THSD4: variants seen among roughly 807,000 people sequenced by gnomAD.
The protein encoded by THSD4 is thrombospondin type-1 domain-containing protein 4.
Under a neutral mutation model 119.0 loss-of-function variants are expected in THSD4, and 69 were observed. That is an observed-to-expected ratio of 0.58 (90% CI 0.48 to 0.71). The LOEUF is 0.71. Among genes scored for constraint, THSD4 ranks in the 30% least tolerant of loss-of-function variants. The probability of loss-of-function intolerance (pLI) is 0.00; values close to 1 mark genes in which losing one functional copy is unlikely to be tolerated. For missense variants in THSD4, 1,393 were observed against 1,391.1 expected (o/e 1.00, Z -0.02); for synonymous variants, 524 against 540.4 (o/e 0.97, Z 0.42).
chr15:71,729,080 C>A, intron 9 of THSD4: 1 of 257,740 alleles, frequency 3.9e-6, no homozygotes, highest in Non-Finnish European at 7.6e-6. Context: ...GGCATGTTTT[C>A]TTTTTATGGC....
chr15:71,633,591 T>C (rs2050680421), intron 7 of THSD4, among the ~76,000 whole-genome samples: 2 of 152,210 alleles, frequency 1.3e-5, no homozygotes. Flanking sequence ...AGTATTTCTT[T>C]TGAAGGGACA....
chr15:71,743,766 C>G (rs1188154010), intron 11 of THSD4, among the ~76,000 whole-genome samples: 3 of 152,324 alleles, frequency 2.0e-5, no homozygotes, highest in East Asian at 1.9e-4. Flanking sequence ...TTACTACCCT[C>G]TGGGTCAGTG....
chr15:71,747,749 A>C (rs930213521), intron 13 of THSD4, among the ~76,000 whole-genome samples: 18 of 152,230 alleles, frequency 1.2e-4, no homozygotes, highest in African/African-American at 4.3e-4. Flanking sequence ...CAAACCAAAC[A>C]AACCAGTGTC....
At chr15:71,697,367 G>C (rs2052185764) in intron 8 of THSD4, among the ~76,000 whole-genome samples, 1 of 152,226 alleles carries the variant, frequency 6.6e-6, no homozygotes, top group African/African-American at 2.4e-5. Flanking sequence ...GGTGGGACTT[G>C]CTGGGACACA....
intron 4 of THSD4, among the ~76,000 whole-genome samples, chr15:71,231,243 T>C (rs2044058187): frequency 6.6e-6 from 1 of 152,190 alleles, no homozygotes; most frequent in African/African-American, 2.4e-5. Context: ...TGAGTCTAAA[T>C]CATCTCCTGG....
chr15:71,310,316 C>G (rs2045094326), intron 6 of THSD4, among the ~76,000 whole-genome samples: 1 of 151,984 alleles, frequency 6.6e-6, no homozygotes, highest in Non-Finnish European at 1.5e-5. Flanking sequence ...TCTGTGGGGG[C>G]CAAGGAAACT....
intron 11 of THSD4, among the ~76,000 whole-genome samples, chr15:71,740,523 A>G (rs2053214405): frequency 6.6e-6 from 1 of 152,160 alleles, no homozygotes; most frequent in Admixed American, 6.5e-5. Flanking sequence ...TCCGGAGCCC[A>G]TAGGCCTTGT....
chr15:71,133,273 A>G (rs987096806), intron 1 of THSD4, among the ~76,000 whole-genome samples: 60 of 152,132 alleles, frequency 3.9e-4, no homozygotes, highest in African/African-American at 1.4e-3. Context: ...GGAGAATGTC[A>G]TGTTAATTTC....
At chr15:71,157,894 A>G (rs1350597881) in intron 3 of THSD4, among the ~76,000 whole-genome samples, 1 of 151,862 alleles carries the variant, frequency 6.6e-6, no homozygotes, top group African/African-American at 2.4e-5. Flanking sequence ...GTTGTTGGAC[A>G]GTTGGGCTGA....
At chr15:71,587,067 T>A (rs1195644857) in intron 7 of THSD4, among the ~76,000 whole-genome samples, 1 of 151,396 alleles carries the variant, frequency 6.6e-6, no homozygotes, top group Admixed American at 6.6e-5. Context: ...TCAAAACCAC[T>A]ATGAGATATC....
chr15:71,320,093 A>G (rs1342693477), intron 6 of THSD4, among the ~76,000 whole-genome samples: 1 of 152,180 alleles, frequency 6.6e-6, no homozygotes. Context: ...CGTTTGCTGA[A>G]CCCAGAGTCC....
intron 7 of THSD4, among the ~76,000 whole-genome samples, chr15:71,544,733 C>G (rs185312953): frequency 6.6e-6 from 1 of 152,326 alleles, no homozygotes; most frequent in African/African-American, 2.4e-5. Flanking sequence ...TTATGCGTAA[C>G]AGCCAAATGG....
At chr15:71,359,767 G>A (rs113132494) in intron 6 of THSD4, among the ~76,000 whole-genome samples, 2 of 152,108 alleles carry the variant, frequency 1.3e-5, no homozygotes, top group Non-Finnish European at 2.9e-5. Flanking sequence ...CCAAGATCTT[G>A]CCACTGCACT....
chr15:71,385,167 A>T (rs982207874), intron 6 of THSD4, among the ~76,000 whole-genome samples: 2 of 152,152 alleles, frequency 1.3e-5, no homozygotes, highest in Non-Finnish European at 2.9e-5. Context: ...TCCGAACCCA[A>T]TTCAGTTAAA....
At chr15:71,759,732 C>T (rs2053600026) in intron 15 of THSD4, among the ~76,000 whole-genome samples, 1 of 152,176 alleles carries the variant, frequency 6.6e-6, no homozygotes. Flanking sequence ...ATATGTCTAC[C>T]ATTCTTAGAA....
At chr15:71,661,948 G>A (rs536586216) in intron 8 of THSD4, among the ~76,000 whole-genome samples, 3 of 152,126 alleles carry the variant, frequency 2.0e-5, no homozygotes, top group South Asian at 2.1e-4. Flanking sequence ...TAAGAAAGCA[G>A]GCACAGAGAG....
intron 7 of THSD4, among the ~76,000 whole-genome samples, chr15:71,645,303 C>T (rs1000091503): frequency 2.6e-5 from 4 of 152,130 alleles, no homozygotes; most frequent in Non-Finnish European, 4.4e-5. Flanking sequence ...ACTTACAATT[C>T]TGGTAGAAGG....
At chr15:71,363,347 C>T (rs2045918371) in intron 6 of THSD4, among the ~76,000 whole-genome samples, 1 of 152,182 alleles carries the variant, frequency 6.6e-6, no homozygotes, top group Non-Finnish European at 1.5e-5. Flanking sequence ...CAACCTTGGT[C>T]TAATTGGCTG....
chr15:71,425,541 C>T (rs1218512454), intron 7 of THSD4, among the ~76,000 whole-genome samples: 1 of 152,184 alleles, frequency 6.6e-6, no homozygotes, highest in Admixed American at 6.5e-5. Flanking sequence ...CGTCTGCCCC[C>T]TGTCAGGCCT....
Sources: allele counts gnomAD v4.1 joint callset (sites outside exome capture counted in the v4.1 genomes callset), GRCh38; gene constraint gnomAD v4.1.1; transcripts MANE v1.5; gene names NCBI Gene and HGNC (gene_info 2026-07-23, HGNC 2026-07-21).